Variants in ABCC4 observed in about 807,000 individuals in gnomAD.
ABCC4 encodes ATP binding cassette subfamily C member 4 (PEL blood group).
ABCC4 carries 102 observed loss-of-function variants against 168.5 expected under a neutral mutation model. The observed-to-expected ratio is 0.61, with a 90% CI of 0.52 to 0.71. The LOEUF is 0.71. Ranked by LOEUF, ABCC4 falls within the 30% of genes least tolerant of loss-of-function variation. ABCC4 has a pLI of 0.00. For missense variants in ABCC4, 1,402 were observed against 1,605.8 expected (o/e 0.87, Z 2.17); for synonymous variants, 617 against 590.7 (o/e 1.04, Z -0.65).
Position 95,188,483 on chromosome 13 carries a change from T to C in ABCC4, c.1323A>G (p.Leu441=). ...LSFTVRPGEL[L]AVVGPVGAGK... ...CTGCTCCCACGGGGCCGACCACAGC[T>C]AACAATTCGCCAGGTCTGACAGTAA... Residue 441 remains leucine, a synonymous_variant, in exon 10 of 31, where the codon TTA becomes TTG. Transcript: ENST00000645237. 6.2e-7 allele frequency: 1 copy of C among 1,614,150 alleles called. No homozygotes were observed. Among genetic ancestry groups the C allele is most frequent in the Non-Finnish European group, 8.5e-7 (1 of 1,180,006 alleles).
At chr13:95,191,896 G>T (rs1364214301) in intron 9 of ABCC4, among the ~76,000 whole-genome samples, 1 of 152,182 alleles carries the variant, frequency 6.6e-6, no homozygotes, top group South Asian at 2.1e-4. Context: ...CTGCCCCGCC[G>T]GGAGGCCTGG....
At chr13:95,051,670 T>C (rs548194922) in intron 27 of ABCC4, among the ~76,000 whole-genome samples, 26 of 152,066 alleles carry the variant, frequency 1.7e-4, no homozygotes, top group African/African-American at 6.0e-4. Context: ...CTTTTAATAT[T>C]TATTATTTAT....
chr13:95,198,874 T>C (rs2038538043), intron 8 of ABCC4, among the ~76,000 whole-genome samples: 2 of 152,000 alleles, frequency 1.3e-5, no homozygotes, highest in Admixed American at 1.3e-4. Flanking sequence ...AACCAAACCC[T>C]GCATGTTCTC....
At chr13:95,246,317 G>A (rs913209972) in intron 3 of ABCC4, among the ~76,000 whole-genome samples, 62 of 152,292 alleles carry the variant, frequency 4.1e-4, no homozygotes, top group African/African-American at 1.4e-3. Flanking sequence ...CACAGTCCTC[G>A]GACCTTCTTC....
intron 20 of ABCC4, among the ~76,000 whole-genome samples, chr13:95,089,655 T>C (rs893278462): frequency 6.6e-6 from 1 of 151,870 alleles, no homozygotes; most frequent in African/African-American, 2.4e-5. Context: ...TAAAAAATAA[T>C]TATACTTTAT....
At chr13:95,123,275 A>C (rs1344758599) in intron 19 of ABCC4, among the ~76,000 whole-genome samples, 1 of 152,180 alleles carries the variant, frequency 6.6e-6, no homozygotes, top group Non-Finnish European at 1.5e-5. Flanking sequence ...GACACCTATA[A>C]TCACTCATCA....
At chr13:95,145,681 A>C (rs942252789) in intron 19 of ABCC4, among the ~76,000 whole-genome samples, 1 of 152,100 alleles carries the variant, frequency 6.6e-6, no homozygotes, top group Admixed American at 6.6e-5. Flanking sequence ...CACAATAGCA[A>C]ACACAAGGAG....
At chr13:95,025,179 CCA>C (rs202160354) in intron 30 of ABCC4, among the ~76,000 whole-genome samples, 3 of 140,376 alleles carry the variant, frequency 2.1e-5, no homozygotes, top group Middle Eastern at 3.6e-3. Context: ...ACACACACAC[CCA>C]CACACACCCA....
chr13:95,125,266 C>T (rs1267111977), intron 19 of ABCC4, among the ~76,000 whole-genome samples: 1 of 152,080 alleles, frequency 6.6e-6, no homozygotes, highest in Non-Finnish European at 1.5e-5. Flanking sequence ...TATTAAATGT[C>T]TACTAATAAA....
intron 20 of ABCC4, among the ~76,000 whole-genome samples, chr13:95,114,311 G>A (rs1594117883): frequency 6.6e-6 from 1 of 152,150 alleles, no homozygotes; most frequent in South Asian, 2.1e-4. Flanking sequence ...AAGCACATAA[G>A]GGATACTAAT....
chr13:95,208,394 A>T (rs1385271691), intron 6 of ABCC4, among the ~76,000 whole-genome samples: 1 of 151,956 alleles, frequency 6.6e-6, no homozygotes, highest in Non-Finnish European at 1.5e-5. Context: ...CTCAAAGGAC[A>T]AGGACTATTT....
chr13:95,300,704 T>C (rs542755738), intron 1 of ABCC4, among the ~76,000 whole-genome samples: 5 of 152,060 alleles, frequency 3.3e-5, no homozygotes, highest in African/African-American at 9.7e-5. Flanking sequence ...GGGACACTAC[T>C]GGGAGATGGC....
intron 1 of ABCC4, among the ~76,000 whole-genome samples, chr13:95,295,930 GCACT>G: frequency 6.9e-6 from 1 of 145,466 alleles, no homozygotes; most frequent in African/African-American, 2.6e-5. Flanking sequence ...TCACACCACT[GCACT>G]CCAGCCTGGG....
intron 19 of ABCC4, among the ~76,000 whole-genome samples, chr13:95,154,252 CA>C (rs2139518835): frequency 6.6e-6 from 1 of 152,212 alleles, no homozygotes; most frequent in Admixed American, 6.5e-5. Context: ...CCTTTGAACA[CA>C]AAAAGCCTCT....
chr13:95,034,118 T>C (rs2032014449), intron 30 of ABCC4, among the ~76,000 whole-genome samples: 1 of 152,214 alleles, frequency 6.6e-6, no homozygotes, highest in African/African-American at 2.4e-5. Context: ...GCAATCTAGG[T>C]AGATCTAGGT....
At chr13:95,204,309 G>C (rs1018696709) in intron 8 of ABCC4, among the ~76,000 whole-genome samples, 3 of 152,150 alleles carry the variant, frequency 2.0e-5, no homozygotes, top group African/African-American at 7.2e-5. Flanking sequence ...CCACACCAGA[G>C]GATACTAAGG....
chr13:95,078,339 G>A (rs922343686), intron 21 of ABCC4, among the ~76,000 whole-genome samples: 3 of 152,172 alleles, frequency 2.0e-5, no homozygotes, highest in African/African-American at 7.2e-5. Context: ...TTGAACTCGG[G>A]AGGTGGAAGT....
intron 1 of ABCC4, among the ~76,000 whole-genome samples, chr13:95,282,261 C>G (rs753699573): frequency 3.9e-5 from 6 of 152,028 alleles, no homozygotes; most frequent in Non-Finnish European, 7.4e-5. Flanking sequence ...GATAAAGGAG[C>G]AGGTCCAGAC....
Position 95,142,115 on chromosome 13 carries a change from G to A in ABCC4, c.2455+19074C>T, listed in dbSNP as rs546608822. ...ATCTACTCAGAGGAAGTCATTACGC[G>A]AAAAAGATACTTGCATGTGCCTGTT... On this transcript the variant is annotated intron_variant, in intron 19 of 30. Coordinates refer to ENST00000645237, the MANE Select transcript of ABCC4 (RefSeq NM_005845.5). Among the ~76,000 whole-genome samples, 13 of 152,232 alleles carry A rather than the reference G, an allele frequency of 8.5e-5. 1 individual carries two copies. The South Asian group carries it at 2.3e-3, about 27-fold the overall frequency.
Sources: gnomAD v4.1 joint callset for allele counts (sites outside exome capture counted in the v4.1 genomes callset) on GRCh38, gnomAD v4.1.1 for gene constraint, MANE v1.5 for transcripts, NCBI Gene and HGNC (gene_info 2026-07-23, HGNC 2026-07-21) for gene names.